The following SLC44A5 variants were observed in gnomAD, a reference collection of about 807,000 sequenced individuals.
SLC44A5 encodes solute carrier family 44 member 5.
Under a neutral mutation model 101.8 loss-of-function variants are expected in SLC44A5, and 57 were observed. The ratio of observed to expected loss-of-function variants is 0.56; its 90% CI spans 0.45 to 0.70. The LOEUF (loss-of-function observed/expected upper bound fraction) is 0.70. Among genes scored for constraint, SLC44A5 ranks in the 30% least tolerant of loss-of-function variants. The pLI is 0.00. For synonymous variants in SLC44A5, 281 were observed against 290.9 expected (o/e 0.97, Z 0.35); for missense variants, 737 against 853.1 (o/e 0.86, Z 1.70).
At chr1:75,658,369 C>T in the SLC44A5 span, among the ~76,000 whole-genome samples, 1 of 151,876 alleles carries the variant, frequency 6.6e-6, no homozygotes, top group Admixed American at 6.6e-5. Context: ...AACTACTACA[C>T]TCAGCCTGGT....
intron 1 of SLC44A5, among the ~76,000 whole-genome samples, chr1:75,544,811 A>G (rs560735582): frequency 7.9e-5 from 12 of 152,272 alleles, no homozygotes; most frequent in Non-Finnish European, 1.6e-4. Context: ...AATCTCCTTC[A>G]TCTGGGACAC....
intron 1 of SLC44A5, among the ~76,000 whole-genome samples, chr1:75,567,321 G>A (rs1410865081): frequency 6.6e-6 from 1 of 152,114 alleles, no homozygotes; most frequent in Non-Finnish European, 1.5e-5. Flanking sequence ...TCCTGTCCTG[G>A]CATTAGAACC....
At chr1:75,540,873 G>A (rs1557888690) in intron 2 of SLC44A5, among the ~76,000 whole-genome samples, 2 of 152,136 alleles carry the variant, frequency 1.3e-5, no homozygotes, top group Non-Finnish European at 2.9e-5. Context: ...ATGCCTGTAA[G>A]GGGCTTAAAA....
At chr1:75,635,909 G>A in the SLC44A5 span, among the ~76,000 whole-genome samples, 1 of 152,076 alleles carries the variant, frequency 6.6e-6, no homozygotes, top group Middle Eastern at 3.4e-3. Flanking sequence ...GATTATTTAT[G>A]TATTTATTTT....
chr1:75,342,314 C>T (rs567346255), intron 3 of SLC44A5, among the ~76,000 whole-genome samples: 5 of 152,162 alleles, frequency 3.3e-5, no homozygotes, highest in Non-Finnish European at 4.4e-5. Flanking sequence ...CCACATAGAA[C>T]GCAATGTGAA....
chr1:75,335,044 C>T (rs1657334395), intron 4 of SLC44A5, among the ~76,000 whole-genome samples: 1 of 152,190 alleles, frequency 6.6e-6, no homozygotes, highest in African/African-American at 2.4e-5. Context: ...CACCAGTCCA[C>T]CGGTACTAAT....
At chr1:75,235,772 A>AT (rs919391426) in intron 11 of SLC44A5, among the ~76,000 whole-genome samples, 5 of 151,908 alleles carry the variant, frequency 3.3e-5, no homozygotes, top group South Asian at 2.1e-4. Context: ...CCTGAACCAC[A>AT]TTTTTTTTGT....
At chr1:75,415,281 C>T (rs1212509467) in intron 2 of SLC44A5, among the ~76,000 whole-genome samples, 1 of 152,148 alleles carries the variant, frequency 6.6e-6, no homozygotes. Context: ...CTATGCTGTT[C>T]TCATGATAGT....
At chr1:75,352,541 T>G (rs1390114865) in intron 3 of SLC44A5, among the ~76,000 whole-genome samples, 1 of 152,106 alleles carries the variant, frequency 6.6e-6, no homozygotes, top group South Asian at 2.1e-4. Context: ...GAAATCATAT[T>G]CAATCTCATT....
intron 8 of SLC44A5, among the ~76,000 whole-genome samples, chr1:75,242,483 A>G (rs968197433): frequency 1.3e-5 from 2 of 152,082 alleles, no homozygotes; most frequent in Non-Finnish European, 2.9e-5. Context: ...GGGGTTTTTT[A>G]AATGAGTTGT....
chr1:75,542,467 G>T (rs1671408305), intron 1 of SLC44A5, among the ~76,000 whole-genome samples: 1 of 151,824 alleles, frequency 6.6e-6, no homozygotes, highest in Admixed American at 6.6e-5. Flanking sequence ...CATACTGTTG[G>T]ATATTGAGAT....
chr1:75,219,776 A>G, intron 15 of SLC44A5, 24 bp downstream of exon 15: 1 of 1,522,882 alleles, frequency 6.6e-7, no homozygotes, highest in Non-Finnish European at 9.1e-7. Context: ...CTGAGGTTTA[A>G]AGAGGCCAAT....
At chr1:75,293,632 G>A (rs990032292) in intron 5 of SLC44A5, among the ~76,000 whole-genome samples, 7 of 152,124 alleles carry the variant, frequency 4.6e-5, no homozygotes, top group East Asian at 3.8e-4. Context: ...TGATGACACC[G>A]CTGCTATAGA....
At chr1:75,591,277 G>A (rs1046215003) in intron 1 of SLC44A5, among the ~76,000 whole-genome samples, 2 of 152,136 alleles carry the variant, frequency 1.3e-5, no homozygotes, top group Non-Finnish European at 2.9e-5. Context: ...AGGAAGACAA[G>A]AAGGAAGAAA....
At chr1:75,402,415 C>G (rs1417897430) in intron 2 of SLC44A5, 2 of 387,134 alleles carry the variant, frequency 5.2e-6, no homozygotes, top group Admixed American at 2.6e-5. Context: ...CAAATAGAAA[C>G]AGCTCTGGTC....
chr1:75,236,989 G>A lies in SLC44A5; in HGVS notation c.738C>T (p.Leu246=), dbSNP rs17096508. ...EDYARTWYWI[L]IGLTIAMVLS... ...AACATCTATGTGTTTTCACTTACATGAGAATCCAATACCAAGTTCTTGCAT... is the reference window on the plus strand; with the variant it reads ...AACATCTATGTGTTTTCACTTACATAAGAATCCAATACCAAGTTCTTGCAT... The change falls in exon 11 of 24, where the codon CTC becomes CTT. Residue 246 remains leucine (L), a splice_region_variant and synonymous_variant. Transcript: ENST00000370859. The A allele has an allele frequency of 0.2, 316,076 of 1,566,620 alleles. 34,153 individuals are homozygous for A. Among genetic ancestry groups the A allele is most frequent in the Non-Finnish European group, 0.22 (252,193 of 1,141,144 alleles).
intron 2 of SLC44A5, among the ~76,000 whole-genome samples, chr1:75,498,502 GTCTTAA>G (rs1482283109): frequency 2.0e-5 from 3 of 152,004 alleles, no homozygotes. Flanking sequence ...TCATTCAACT[GTCTTAA>G]TCTATTTTCT....
chr1:75,698,804 T>G, the SLC44A5 span, among the ~76,000 whole-genome samples: 1 of 152,066 alleles, frequency 6.6e-6, no homozygotes, highest in African/African-American at 2.4e-5. Context: ...AGAGAAGTGC[T>G]TAAAGGAGCT....
At chr1:75,646,132 T>C in the SLC44A5 span, among the ~76,000 whole-genome samples, 2 of 135,370 alleles carry the variant, frequency 1.5e-5, no homozygotes, top group African/African-American at 2.5e-5. Flanking sequence ...TTTGGTTCCA[T>C]ATGAACTTTA....
Sources: allele counts gnomAD v4.1 joint callset (sites outside exome capture counted in the v4.1 genomes callset), GRCh38; gene constraint gnomAD v4.1.1; transcripts MANE v1.5; gene names NCBI Gene and HGNC (gene_info 2026-07-23, HGNC 2026-07-21).